Variants in CHSY3 observed in about 807,000 individuals in gnomAD.
CHSY3 encodes N-acetylgalactosaminyl-proteoglycan 3-beta-glucuronosyltransferase 3.
A neutral mutation model predicts 67.2 loss-of-function variants in CHSY3; 35 were observed. The ratio of observed to expected loss-of-function variants is 0.52; its 90% CI spans 0.40 to 0.69. The LOEUF is 0.69. Among genes scored for constraint, CHSY3 ranks in the 30% least tolerant of loss-of-function variants. The pLI is 0.00. For synonymous variants in CHSY3, 474 were observed against 434.7 expected (o/e 1.09, Z -1.12); for missense variants, 1,069 against 1,138.5 (o/e 0.94, Z 0.88).
chr5:130,071,537 T>TTG (rs3065054), intron 2 of CHSY3, among the ~76,000 whole-genome samples: 80,694 of 141,646 alleles, frequency 0.57, 22,751 homozygotes, highest in East Asian at 0.77. Flanking sequence ...TAGTAGTTCA[T>TTG]TGTGTGTGTG....
chr5:130,135,321 T>C (rs1768627219), intron 2 of CHSY3, among the ~76,000 whole-genome samples: 2 of 151,990 alleles, frequency 1.3e-5, no homozygotes, highest in South Asian at 4.2e-4. Flanking sequence ...TTAGTTTTCT[T>C]TCACTCAATC....
intron 2 of CHSY3, among the ~76,000 whole-genome samples, chr5:129,917,137 C>A (rs898847554): frequency 6.6e-6 from 1 of 152,150 alleles, no homozygotes; most frequent in African/African-American, 2.4e-5. Flanking sequence ...GATTACCTGG[C>A]TTCTTACTCT....
At chr5:130,077,118 GA>G (rs541165459) in intron 2 of CHSY3, among the ~76,000 whole-genome samples, 5 of 147,680 alleles carry the variant, frequency 3.4e-5, no homozygotes, top group Admixed American at 6.8e-5. Flanking sequence ...TAAAATTTAA[GA>G]AAAAAAATTT....
intron 2 of CHSY3, among the ~76,000 whole-genome samples, chr5:130,154,916 T>C (rs1003294706): frequency 1.3e-5 from 2 of 152,180 alleles, no homozygotes; most frequent in Non-Finnish European, 2.9e-5. Flanking sequence ...ACCTGGGGAT[T>C]TTGTTAAACT....
intron 2 of CHSY3, among the ~76,000 whole-genome samples, chr5:130,144,161 T>C (rs1242888648): frequency 1.3e-5 from 2 of 151,814 alleles, no homozygotes; most frequent in South Asian, 2.1e-4. Flanking sequence ...AGTATTTCCA[T>C]GTTTACCAAT....
intron 2 of CHSY3, among the ~76,000 whole-genome samples, chr5:130,092,080 C>A (rs1385625998): frequency 1.3e-5 from 2 of 152,152 alleles, no homozygotes; most frequent in Admixed American, 6.5e-5. Flanking sequence ...GCTGAGCCCT[C>A]TGAAGGCCCA....
intron 2 of CHSY3, among the ~76,000 whole-genome samples, chr5:130,151,182 A>G (rs1580783652): frequency 6.6e-6 from 1 of 152,202 alleles, no homozygotes; most frequent in Non-Finnish European, 1.5e-5. Flanking sequence ...GTTGTGATCC[A>G]CTAAGGTACT....
At chr5:130,179,283 T>G (rs1055329514) in intron 2 of CHSY3, among the ~76,000 whole-genome samples, 4 of 152,208 alleles carry the variant, frequency 2.6e-5, no homozygotes, top group African/African-American at 9.6e-5. Flanking sequence ...ACTCCTTTTA[T>G]TTCAATAACA....
intron 2 of CHSY3, among the ~76,000 whole-genome samples, chr5:129,938,688 T>A (rs1761591677): frequency 6.6e-6 from 1 of 152,224 alleles, no homozygotes; most frequent in African/African-American, 2.4e-5. Flanking sequence ...TGCTAAAGCA[T>A]AACAAGTGTG....
intron 2 of CHSY3, among the ~76,000 whole-genome samples, chr5:129,943,895 G>C (rs993095038): frequency 1.3e-5 from 2 of 152,186 alleles, no homozygotes; most frequent in Admixed American, 6.5e-5. Context: ...CACCAAATTA[G>C]ATAAATGCTA....
intron 2 of CHSY3, among the ~76,000 whole-genome samples, chr5:130,077,159 A>G (rs1430896642): frequency 1.3e-5 from 2 of 152,008 alleles, no homozygotes; most frequent in Admixed American, 6.6e-5. Flanking sequence ...ACTACGAAAG[A>G]GAGTGACAAG....
Position 130,141,734 on chromosome 5 carries a change from A to G in CHSY3, c.1087-42495A>G, listed in dbSNP as rs1468186640. ...GTTGAGGACAAACAGAAGATTCTTG[A>G]TAAGGGTATTAAAATTATCAACTGG... On this transcript the variant is annotated intron_variant, in intron 2 of 2. Transcript: ENST00000305031. 7.8e-6 allele frequency: 4 copies of G among 513,580 alleles called. No individual in the cohort carries two copies. In the Admixed American group the frequency reaches 8.3e-5, roughly 11 times the overall value. 31.8% of individuals were successfully genotyped at this position (513,580 alleles called of 1,614,324 possible). A position where few individuals can be genotyped will look rare whatever the true frequency, so the allele number is the denominator to read the frequency against.
At chr5:129,929,962 C>G (rs4835979) in intron 2 of CHSY3, among the ~76,000 whole-genome samples, 85,510 of 151,962 alleles carry the variant, frequency 0.56, 24,143 homozygotes, top group Middle Eastern at 0.63. Flanking sequence ...AAAATGTTAA[C>G]TCGTACAGTA....
intron 2 of CHSY3, among the ~76,000 whole-genome samples, chr5:130,143,816 A>ATATATATATATATGTGTG (rs1768985373): frequency 1.0e-5 from 1 of 100,342 alleles, no homozygotes; most frequent in Non-Finnish European, 2.1e-5. Flanking sequence ...GTGTGTATAT[A>ATATATATATATATGTGTG]TATATATATA....
chr5:130,183,150 C>T (rs1770300394), intron 2 of CHSY3, among the ~76,000 whole-genome samples: 1 of 151,860 alleles, frequency 6.6e-6, no homozygotes. Context: ...TTCATAATCA[C>T]GTATCTCGAG....
intron 2 of CHSY3, among the ~76,000 whole-genome samples, chr5:130,054,031 T>C (rs1765450891): frequency 1.3e-5 from 2 of 152,314 alleles, no homozygotes; most frequent in African/African-American, 4.8e-5. Flanking sequence ...CATGTCCTTA[T>C]GCTTTATTTT....
intron 2 of CHSY3, among the ~76,000 whole-genome samples, chr5:130,174,681 A>T (rs1480570416): frequency 6.6e-6 from 1 of 152,168 alleles, no homozygotes; most frequent in Admixed American, 6.5e-5. Flanking sequence ...AATAATAACT[A>T]AGCAGTTACA....
In CHSY3 at chr5:130,095,056, C is replaced by T. The variant is rs551495156; in HGVS notation, c.1087-89173C>T. Among the ~76,000 whole-genome samples the T allele has an allele frequency of 6.6e-5, 10 of 151,788 alleles. No homozygotes were observed. The East Asian group carries it at 1.9e-3, about 29-fold the overall frequency. ...AGGTGGAGGTATTAATGTGGATATA[C>T]TAAAAAATTGTATATACTATAATTA... On this transcript the variant is annotated intron_variant, in intron 2 of 2. Coordinates refer to ENST00000305031, the MANE Select transcript of CHSY3 (RefSeq NM_175856.5).
intron 2 of CHSY3, among the ~76,000 whole-genome samples, chr5:130,115,224 T>C (rs1374016595): frequency 6.6e-6 from 1 of 152,042 alleles, no homozygotes; most frequent in Non-Finnish European, 1.5e-5. Context: ...GAAAGGTTTA[T>C]AGTTCTTTTT....
Sources: gnomAD v4.1 joint callset for allele counts (sites outside exome capture counted in the v4.1 genomes callset) on GRCh38, gnomAD v4.1.1 for gene constraint, MANE v1.5 for transcripts, NCBI Gene and HGNC (gene_info 2026-07-23, HGNC 2026-07-21) for gene names.